Variants in CMIP observed in about 807,000 individuals in gnomAD.
The protein encoded by CMIP is c-Maf inducing protein.
Under a neutral mutation model 97.3 loss-of-function variants are expected in CMIP, and 13 were observed. The observed-to-expected ratio is 0.13, with a 90% confidence interval of 0.09 to 0.21. CMIP has a LOEUF of 0.21. Among genes scored for constraint, CMIP ranks in the 10% least tolerant of loss-of-function variants. The pLI, the probability that CMIP is intolerant of heterozygous loss-of-function variation, is 1.00. For missense variants in CMIP, 847 were observed against 1,024.9 expected (o/e 0.83, Z 2.37); for synonymous variants, 538 against 436.3 (o/e 1.23, Z -2.91).
At chr16:81,709,632 G>A (rs1908538073) in intron 20 of CMIP, 114 bp from the exon 21 acceptor site, 1 of 1,182,152 alleles carries the variant, frequency 8.5e-7, no homozygotes. Flanking sequence ...ACAGCACCAA[G>A]GTGGGGAGAG....
intron 8 of CMIP, among the ~76,000 whole-genome samples, chr16:81,671,566 C>G (rs188824954): frequency 3.9e-4 from 60 of 152,294 alleles, no homozygotes; most frequent in Admixed American, 3.5e-3. Context: ...ATGACTGTCC[C>G]AGGACGTATG....
At chr16:81,639,801 TC>T (rs1439233737) in intron 3 of CMIP, among the ~76,000 whole-genome samples, 3 of 152,186 alleles carry the variant, frequency 2.0e-5, no homozygotes, top group African/African-American at 7.2e-5. Context: ...GATGGGATTG[TC>T]CTGAGGTTGG....
At chr16:81,476,867 C>T (rs904355512) in intron 1 of CMIP, among the ~76,000 whole-genome samples, 5 of 152,038 alleles carry the variant, frequency 3.3e-5, no homozygotes, top group Admixed American at 6.6e-5. Flanking sequence ...CCTTACTTCC[C>T]GACGTCAGCC....
chr16:81,651,520 G>A lies in CMIP; in HGVS notation c.478-683G>A, dbSNP rs146869640. The A allele has an allele frequency of 1.6e-4, 42 of 265,534 alleles. No individual in the cohort carries two copies. In the East Asian group the frequency reaches 1.8e-3, roughly 11 times the overall value. The allele number at this position is 265,534 out of a possible 1,614,324, so 16.4% of individuals were successfully genotyped here. A position where few individuals can be genotyped will look rare whatever the true frequency, so the allele number is the denominator to read the frequency against. ...TTCCAGGTTTAGTCCCTACCTGGCC[G>A]GAGTCTAATTCCTGGCCTTAATCCT... On this transcript the variant is annotated intron_variant, in intron 3 of 20. Transcript: ENST00000537098.
At chr16:81,501,185 T>C (rs2925979) in intron 1 of CMIP, among the ~76,000 whole-genome samples, 107,495 of 152,196 alleles carry the variant, frequency 0.71, 38,057 homozygotes, top group Admixed American at 0.79. Flanking sequence ...CCACTGGGCC[T>C]GATGGGGTTG....
At chr16:81,670,323 G>A (rs1392525223) in intron 8 of CMIP, 78 bp downstream of exon 8, 2 of 1,434,088 alleles carry the variant, frequency 1.4e-6, no homozygotes, top group Non-Finnish European at 1.9e-6. Context: ...GATATCCACG[G>A]GGGGCTGTCG....
chr16:81,580,666 C>T (rs954444170), intron 1 of CMIP, among the ~76,000 whole-genome samples: 1 of 152,056 alleles, frequency 6.6e-6, no homozygotes, highest in Non-Finnish European at 1.5e-5. Flanking sequence ...GAACTCCTGA[C>T]CTCAAGTGAT....
chr16:81,651,544 C>A, intron 3 of CMIP: 1 of 191,792 alleles, frequency 5.2e-6, no homozygotes, highest in Non-Finnish European at 9.6e-6. Context: ...GGCCTTAATC[C>A]TGTCTGTCAT....
chr16:81,579,145 G>A (rs1399613618), intron 1 of CMIP, among the ~76,000 whole-genome samples: 1 of 152,218 alleles, frequency 6.6e-6, no homozygotes, highest in African/African-American at 2.4e-5. Flanking sequence ...GGGACATGGG[G>A]ATGGCACCCC....
At chr16:81,663,353 A>G (rs772645694) in intron 6 of CMIP, among the ~76,000 whole-genome samples, 1 of 152,166 alleles carries the variant, frequency 6.6e-6, no homozygotes, top group Non-Finnish European at 1.5e-5. Flanking sequence ...CTTTAAATGC[A>G]TATTAGTAAG....
intron 1 of CMIP, among the ~76,000 whole-genome samples, chr16:81,556,333 C>G: frequency 6.6e-6 from 1 of 152,204 alleles, no homozygotes; most frequent in Non-Finnish European, 1.5e-5. Context: ...TAATGCTTCT[C>G]TGAACACGGG....
At chr16:81,692,087 C>T (rs1216758002) in intron 11 of CMIP, among the ~76,000 whole-genome samples, 1 of 152,168 alleles carries the variant, frequency 6.6e-6, no homozygotes, top group Non-Finnish European at 1.5e-5. Flanking sequence ...ACTGCATTGT[C>T]ACAAGGATTC....
At chr16:81,579,500 A>G (rs1481247229) in intron 1 of CMIP, among the ~76,000 whole-genome samples, 1 of 152,222 alleles carries the variant, frequency 6.6e-6, no homozygotes, top group Non-Finnish European at 1.5e-5. Context: ...GGAAACCAGC[A>G]GAACCCTGCC....
intron 1 of CMIP, among the ~76,000 whole-genome samples, chr16:81,559,127 G>A (rs985933123): frequency 6.6e-6 from 1 of 152,100 alleles, no homozygotes; most frequent in South Asian, 2.1e-4. Context: ...GGCCTCCACA[G>A]GCCGGGCATG....
chr16:81,496,339 G>C (rs2150771964), intron 1 of CMIP, among the ~76,000 whole-genome samples: 1 of 152,280 alleles, frequency 6.6e-6, no homozygotes, highest in Non-Finnish European at 1.5e-5. Context: ...CCCTTCATGG[G>C]GGCGATCCTA....
In CMIP at chr16:81,523,665, G is replaced by A. The variant is rs184235417; in HGVS notation, c.300+78124G>A. 4.7e-4 allele frequency among the ~76,000 whole-genome samples: 71 copies of A among 152,334 alleles called. 1 individual carries two copies. Among genetic ancestry groups the A allele is most frequent in the African/African-American group, 1.6e-3 (67 of 41,584 alleles). Reference sequence around the variant, plus strand: ...GCGAAAAGCCATGGTGGCCTAGAACGAAGTCTGGAAAAGAACCAAGAGGAC... The same window carrying A: ...GCGAAAAGCCATGGTGGCCTAGAACAAAGTCTGGAAAAGAACCAAGAGGAC... On this transcript the variant is annotated intron_variant, in intron 1 of 20. Transcript: ENST00000537098.
At chr16:81,483,820 A>G (rs12149827) in intron 1 of CMIP, among the ~76,000 whole-genome samples, 6,829 of 152,202 alleles carry the variant, frequency 0.045, 181 homozygotes, top group Non-Finnish European at 0.062. Context: ...GAATTTCGCA[A>G]CCCGTCCTGC....
At chr16:81,684,464 C>T (rs897584783) in intron 10 of CMIP, among the ~76,000 whole-genome samples, 2 of 152,238 alleles carry the variant, frequency 1.3e-5, no homozygotes, top group African/African-American at 4.8e-5. Flanking sequence ...AGCAGCGAGG[C>T]TGGCAGGAAG....
intron 9 of CMIP, among the ~76,000 whole-genome samples, chr16:81,677,821 A>G (rs1904426281): frequency 6.6e-6 from 1 of 152,178 alleles, no homozygotes; most frequent in African/African-American, 2.4e-5. Flanking sequence ...GTCCTGGAGG[A>G]CATTGTGGCA....
Sources: allele counts gnomAD v4.1 joint callset (sites outside exome capture counted in the v4.1 genomes callset), GRCh38; gene constraint gnomAD v4.1.1; transcripts MANE v1.5; gene names NCBI Gene and HGNC (gene_info 2026-07-23, HGNC 2026-07-21).